Variants in SWT1 observed in about 807,000 individuals in gnomAD.
SWT1 encodes the protein transcriptional protein SWT1.
In SWT1, 33 loss-of-function variants were observed where a neutral mutation model predicts 107.3. That is an observed-to-expected ratio of 0.31 (90% CI 0.23 to 0.41). The LOEUF (loss-of-function observed/expected upper bound fraction) is 0.41. Ranked by LOEUF, SWT1 falls within the 10% of genes least tolerant of loss-of-function variation. The pLI, the probability that SWT1 is intolerant of heterozygous loss-of-function variation, is 1.00. For synonymous variants in SWT1, 345 were observed against 348.3 expected (o/e 0.99, Z 0.11); for missense variants, 898 against 1,028.9 (o/e 0.87, Z 1.74).
chr1:185,231,583 T>C lies in SWT1; in HGVS notation c.2316T>C (p.Asp772=), dbSNP rs1660511150. 1.2e-6 allele frequency: 2 copies of C among 1,606,776 alleles called. No individual in the cohort carries two copies. The highest frequency in any genetic ancestry group is 1.7e-4 in the Middle Eastern group (1 of 5,806). The change falls in exon 16 of 19, where the codon GAT becomes GAC. Residue 772 remains aspartate, a synonymous_variant. Coordinates refer to ENST00000367500, the MANE Select transcript of SWT1 (RefSeq NM_017673.7). ...VWITIYQNST[D]VFQRLGSNSA... ...TTTTTTTTCTCTATTTTAGCACGGA[T>C]GTATTTCAAAGATTGGGCTCAAATT...
intron 5 of SWT1, among the ~76,000 whole-genome samples, chr1:185,177,970 T>C (rs945725543): frequency 6.6e-6 from 1 of 152,128 alleles, no homozygotes; most frequent in Admixed American, 6.5e-5. Context: ...TATTTAGAAA[T>C]GAGTAAGATG....
At chr1:185,206,873 A>T in intron 13 of SWT1, 110 bp downstream of exon 13, 1 of 763,406 alleles carries the variant, frequency 1.3e-6, no homozygotes, top group Non-Finnish European at 2.0e-6. Context: ...ATTAGTTCTT[A>T]ATCATTTATA....
intron 14 of SWT1, among the ~76,000 whole-genome samples, chr1:185,217,523 G>A (rs1040658838): frequency 2.0e-5 from 3 of 152,130 alleles, no homozygotes; most frequent in African/African-American, 4.8e-5. Context: ...AGATGGGACT[G>A]TAAGGTCAGG....
chr1:185,180,314 G>A (rs1289334239), intron 5 of SWT1, 77 bp from the exon 6 acceptor site: 1 of 1,163,182 alleles, frequency 8.6e-7, no homozygotes, highest in Non-Finnish European at 1.3e-6. Flanking sequence ...TGACCCTGAA[G>A]GTTAATAGTG....
chr1:185,164,588 C>T (rs1448787302), intron 2 of SWT1, among the ~76,000 whole-genome samples: 2 of 152,180 alleles, frequency 1.3e-5, no homozygotes, highest in African/African-American at 4.8e-5. Context: ...TTTGCTGTTT[C>T]ACCTTGTACT....
intron 4 of SWT1, among the ~76,000 whole-genome samples, chr1:185,173,744 C>T (rs1474135186): frequency 6.6e-6 from 1 of 150,952 alleles, no homozygotes; most frequent in Non-Finnish European, 1.5e-5. Flanking sequence ...GGCCGGGGTA[C>T]AGTGGCTCAC....
At chr1:185,182,454 A>G (rs1377790739) in intron 7 of SWT1, among the ~76,000 whole-genome samples, 1 of 151,920 alleles carries the variant, frequency 6.6e-6, no homozygotes, top group Non-Finnish European at 1.5e-5. Flanking sequence ...GATTGCCTGA[A>G]CCCAGGAGTT....
chr1:185,256,113 C>G (rs1292668368), intron 16 of SWT1, among the ~76,000 whole-genome samples: 1 of 150,462 alleles, frequency 6.6e-6, no homozygotes, highest in African/African-American at 2.4e-5. Context: ...TTGGCCCCCA[C>G]TCTCTTCTGG....
In SWT1 at chr1:185,250,134, A is replaced by G. The variant is rs971388582; in HGVS notation, c.2441+18426A>G. Among the ~76,000 whole-genome samples, 9 of 151,968 alleles carry G rather than the reference A, an allele frequency of 5.9e-5. No individual in the cohort carries two copies. The East Asian group carries it at 1.7e-3, about 29-fold the overall frequency. On this transcript the variant is annotated intron_variant, in intron 16 of 18. Coordinates refer to ENST00000367500, the MANE Select transcript of SWT1 (RefSeq NM_017673.7). ...GACAATGCTCTTATGATTTTATTTTATTTATTTTTAAAGACTGGTGTCTCA... is the reference window on the plus strand; with the variant it reads ...GACAATGCTCTTATGATTTTATTTTGTTTATTTTTAAAGACTGGTGTCTCA...
At chr1:185,161,116 G>A (rs551234581) in intron 2 of SWT1, among the ~76,000 whole-genome samples, 191 bp downstream of exon 2, 1 of 152,154 alleles carries the variant, frequency 6.6e-6, no homozygotes, top group East Asian at 1.9e-4. Flanking sequence ...TATGAGGTGG[G>A]TACTATTATT....
At chr1:185,239,221 T>C (rs904569498) in intron 16 of SWT1, among the ~76,000 whole-genome samples, 1 of 152,170 alleles carries the variant, frequency 6.6e-6, no homozygotes, top group Non-Finnish European at 1.5e-5. Context: ...ATTTACCCTC[T>C]AAGTCACAGT....
chr1:185,201,298 T>G (rs571711061), intron 10 of SWT1, among the ~76,000 whole-genome samples: 2 of 152,166 alleles, frequency 1.3e-5, no homozygotes, highest in African/African-American at 4.8e-5. Flanking sequence ...CACTGGGATA[T>G]GAAAAAAACC....
intron 16 of SWT1, among the ~76,000 whole-genome samples, chr1:185,242,403 A>G (rs1421932237): frequency 6.6e-6 from 1 of 152,108 alleles, no homozygotes; most frequent in African/African-American, 2.4e-5. Context: ...GAATAACTGG[A>G]TTTCATTTTA....
intron 15 of SWT1, among the ~76,000 whole-genome samples, chr1:185,228,119 G>C (rs1247718591): frequency 6.8e-6 from 1 of 147,718 alleles, no homozygotes; most frequent in African/African-American, 2.5e-5. Context: ...AAAAGTCTGG[G>C]AACCTGTGGT....
rs67501926 is a variant in SWT1, at chr1:185,168,323, T to TGATAGAC, written c.166-17_166-16insGATAGAC. The stretch of plus-strand genomic sequence containing the variant: ...TACCAGTGCACAATTTATGTGTCCT[T>TGATAGAC]TTTTTATTTATTTCAGAAATCAGAT... On this transcript the variant is annotated splice_polypyrimidine_tract_variant and intron_variant, in intron 3 of 18. Coordinates refer to ENST00000367500, the MANE Select transcript of SWT1 (RefSeq NM_017673.7). The TGATAGAC allele has an allele frequency of 8.9e-7, 1 of 1,119,316 alleles. No homozygotes were observed. The allele number at this position is 1,119,316 out of a possible 1,614,324, so 69.3% of individuals were successfully genotyped here. A position where few individuals can be genotyped will look rare whatever the true frequency, so the allele number is the denominator to read the frequency against.
At chr1:185,175,912 A>G (rs1196108223) in intron 5 of SWT1, among the ~76,000 whole-genome samples, 1 of 152,248 alleles carries the variant, frequency 6.6e-6, no homozygotes, top group African/African-American at 2.4e-5. Flanking sequence ...TAGGAAAAGT[A>G]TAATACCTAT....
intron 10 of SWT1, among the ~76,000 whole-genome samples, chr1:185,197,532 G>C (rs1657500805): frequency 6.6e-6 from 1 of 152,150 alleles, no homozygotes; most frequent in Admixed American, 6.6e-5. Context: ...AGAAGGAATG[G>C]TGCCAGCTTC....
chr1:185,242,861 C>G (rs902311010), intron 16 of SWT1, among the ~76,000 whole-genome samples: 2 of 151,772 alleles, frequency 1.3e-5, no homozygotes, highest in African/African-American at 4.8e-5. Flanking sequence ...GCTAAAACCA[C>G]CAGATGGAAT....
chr1:185,204,973 A>C (rs910761258), intron 12 of SWT1, 110 bp downstream of exon 12: 2 of 586,918 alleles, frequency 3.4e-6, no homozygotes, highest in Non-Finnish European at 5.6e-6. Context: ...AATAATCTGT[A>C]TCATGTTACA....
Sources: gnomAD v4.1 joint callset for allele counts (sites outside exome capture counted in the v4.1 genomes callset) on GRCh38, gnomAD v4.1.1 for gene constraint, MANE v1.5 for transcripts, NCBI Gene and HGNC (gene_info 2026-07-23, HGNC 2026-07-21) for gene names.